POSTN: variants seen among roughly 807,000 people sequenced by gnomAD.
POSTN encodes the protein osteoblast specific factor 2 (fasciclin I-like).
A neutral mutation model predicts 104.5 loss-of-function variants in POSTN; 71 were observed. That is an observed-to-expected ratio of 0.68 (90% CI 0.56 to 0.83). POSTN has a LOEUF of 0.83. Among genes scored for constraint, POSTN ranks in the 40% least tolerant of loss-of-function variants. The pLI, the probability that POSTN is intolerant of heterozygous loss-of-function variation, is 0.00. For missense variants in POSTN, 949 were observed against 1,006.8 expected (o/e 0.94, Z 0.78); for synonymous variants, 355 against 340.7 (o/e 1.04, Z -0.46).
chr13:37,569,175 C>G, intron 21 of POSTN, 125 bp downstream of exon 21: 2 of 624,946 alleles, frequency 3.2e-6, no homozygotes, highest in Non-Finnish European at 5.5e-6. Flanking sequence ...ATTAAGACAA[C>G]AGTGGATGTT....
chr13:37,565,162 A>T (rs1593303305), intron 21 of POSTN: 2 of 151,990 alleles, frequency 1.3e-5, no homozygotes, highest in East Asian at 1.9e-4. Flanking sequence ...ATCCTATGAG[A>T]TCCTTTTAAA....
intron 16 of POSTN, among the ~76,000 whole-genome samples, chr13:37,575,098 T>G (rs188230613): frequency 6.6e-6 from 1 of 151,976 alleles, no homozygotes; most frequent in Non-Finnish European, 1.5e-5. Context: ...TTTTAAAATG[T>G]TTTTCATGCA....
chr13:37,592,377 C>T (rs1372865089), intron 2 of POSTN, among the ~76,000 whole-genome samples: 1 of 152,154 alleles, frequency 6.6e-6, no homozygotes, highest in Non-Finnish European at 1.5e-5. Flanking sequence ...GGGTTCACTG[C>T]AAGCTCCGCC....
chr13:37,569,643 A>G, intron 20 of POSTN, 101 bp downstream of exon 20: 5 of 976,676 alleles, frequency 5.1e-6, no homozygotes, highest in East Asian at 2.4e-5. Context: ...GGAAATGAAC[A>G]ATAGATTGAG....
rs553434935 is a variant in POSTN, at chr13:37,579,302, A to G, written c.1718T>C (p.Ile573Thr). ...ILYHLTPGVF[I>T]GKGFEPGVTN... ...AACACCAGGTTCAAATCCTTTTCCA[A>G]TGAAAACTCCTGGTGTCAGGTGATA... Residue 573 changes from isoleucine to threonine, a missense_variant, in exon 13 of 23, where the codon ATT becomes ACT. Coordinates refer to ENST00000379747, the MANE Select transcript of POSTN (RefSeq NM_006475.3). 8.7e-6 allele frequency: 14 copies of G among 1,602,632 alleles called. No individual in the cohort carries two copies. The highest frequency in any genetic ancestry group is 6.7e-5 in the African/African-American group (5 of 74,790).
intron 21 of POSTN, chr13:37,564,879 T>G: frequency 4.9e-6 from 1 of 205,154 alleles, no homozygotes. Context: ...AATCTTTTTG[T>G]AAAAAACATT....
chr13:37,563,859 G>A (rs1310293750), intron 22 of POSTN, among the ~76,000 whole-genome samples: 5 of 151,948 alleles, frequency 3.3e-5, no homozygotes, highest in Non-Finnish European at 7.4e-5. Flanking sequence ...GTATTGGAAT[G>A]TAAGATAACT....
At position 37,576,107 on chromosome 13, in the gene POSTN, G is replaced by A. The variant is rs148055721; in HGVS notation, c.2009-1455C>T. Among the ~76,000 whole-genome samples, 602 of 152,096 alleles carry A rather than the reference G, an allele frequency of 4.0e-3. 6 individuals are homozygous for A. The highest frequency in any genetic ancestry group is 0.014 in the African/African-American group (561 of 41,520). Reference sequence around the variant, plus strand: ...CTCTGAGGATTAAATATTGATTTTAGCCCTCTCCAGGTCAAATGTTCCATA... The same window carrying A: ...CTCTGAGGATTAAATATTGATTTTAACCCTCTCCAGGTCAAATGTTCCATA... On this transcript the variant is annotated intron_variant, in intron 16 of 22. Transcript: ENST00000379747.
At position 37,563,178 on chromosome 13, in the gene POSTN, GA is replaced by G. The variant is rs540445013; in HGVS notation, c.*154del. The G allele has an allele frequency of 1.6e-3, 683 of 418,148 alleles. 17 individuals are homozygous for G. In the South Asian group the frequency reaches 0.047, roughly 29 times the overall value. 25.9% of individuals were successfully genotyped at this position (418,148 alleles called of 1,614,324 possible). A position where few individuals can be genotyped will look rare whatever the true frequency, so the allele number is the denominator to read the frequency against. On this transcript the variant is annotated 3_prime_UTR_variant, in exon 23 of 23. Transcript: ENST00000379747. ...CAATTTCCCTCATGTTTCTCATTCA[GA>G]AAAAAAAATATTAAATTTGTGTTCA...
chr13:37,574,826 T>G (rs1200620166), intron 16 of POSTN, among the ~76,000 whole-genome samples, 174 bp from the exon 17 acceptor site: 1 of 151,890 alleles, frequency 6.6e-6, no homozygotes, highest in Non-Finnish European at 1.5e-5. Context: ...TAATATCTTC[T>G]CATGTCCAGG....
At position 37,575,087 on chromosome 13, in the gene POSTN, C is replaced by T. The variant is rs1277659132; in HGVS notation, c.2009-435G>A. On this transcript the variant is annotated intron_variant, in intron 16 of 22. Coordinates refer to ENST00000379747, the MANE Select transcript of POSTN (RefSeq NM_006475.3). ...TAAAAGAAAAAATGAAAGAAAAAGG[C>T]TTTTAAAATGTTTTTCATGCATCTG... 2.6e-5 allele frequency among the ~76,000 whole-genome samples: 4 copies of T among 151,988 alleles called. No homozygotes were observed. In the East Asian group the frequency reaches 7.7e-4, roughly 29 times the overall value.
intron 16 of POSTN, among the ~76,000 whole-genome samples, chr13:37,575,759 G>A (rs916984685): frequency 6.6e-6 from 1 of 152,036 alleles, no homozygotes; most frequent in African/African-American, 2.4e-5. Flanking sequence ...ATTAATGTGG[G>A]TTCTTAGCCT....
chr13:37,583,139 G>T (rs146066148), intron 9 of POSTN, among the ~76,000 whole-genome samples: 1 of 152,056 alleles, frequency 6.6e-6, no homozygotes, highest in African/African-American at 2.4e-5. Context: ...CCTGAGAAAG[G>T]TCGAAGGTTG....
chr13:37,580,060 A>G (rs1566021587), intron 11 of POSTN, 69 bp from the exon 12 acceptor site: 1 of 1,375,524 alleles, frequency 7.3e-7, no homozygotes, highest in Non-Finnish European at 1.0e-6. Context: ...CAGTGCATGT[A>G]ATAGAATAGA....
Position 37,582,491 on chromosome 13 carries a change from G to A in POSTN, c.1267C>T (p.Arg423Cys), listed in dbSNP as rs1177659142. 1.9e-6 allele frequency: 3 copies of A among 1,609,298 alleles called. No homozygotes were observed. Among genetic ancestry groups the A allele is most frequent in the Admixed American group, 1.7e-5 (1 of 58,902 alleles). Residue 423 changes from arginine (R) to cysteine (C), a missense_variant, in exon 10 of 23, where the codon CGC (arginine) becomes TGC (cysteine). By Grantham distance (180) the Arg-to-Cys change is radical. Coordinates refer to ENST00000379747, the MANE Select transcript of POSTN (RefSeq NM_006475.3). Reference protein sequence around the residue: ...FSDDTLSMDQRLLKLILQNHI... With the variant: ...FSDDTLSMDQCLLKLILQNHI... ...TTCTGCAGAATTAATTTAAGGAGGC[G>A]CTGATCCATGCTGAGAGTATCATCT...
At chr13:37,578,119 T>C (rs980835646) in intron 15 of POSTN, among the ~76,000 whole-genome samples, 6 of 152,322 alleles carry the variant, frequency 3.9e-5, no homozygotes, top group Non-Finnish European at 8.8e-5. Context: ...TTCCCTTTAA[T>C]CTGTGATGAG....
chr13:37,582,650 G>T, intron 9 of POSTN, 136 bp from the exon 10 acceptor site: 1 of 742,572 alleles, frequency 1.3e-6, no homozygotes, highest in Non-Finnish European at 2.1e-6. Flanking sequence ...TATAATACAT[G>T]AATCAACCAA....
chr13:37,594,425 C>T (rs1009688367), intron 2 of POSTN, among the ~76,000 whole-genome samples: 15 of 151,180 alleles, frequency 9.9e-5, no homozygotes, highest in Admixed American at 6.6e-4. Context: ...TATCTCTGAG[C>T]GGATATTTTG....
intron 4 of POSTN, among the ~76,000 whole-genome samples, chr13:37,588,852 G>T (rs1273193551): frequency 6.6e-6 from 1 of 152,160 alleles, no homozygotes; most frequent in Non-Finnish European, 1.5e-5. Flanking sequence ...AACCACTGAA[G>T]ATTTTGTGGC....
Sources: allele counts gnomAD v4.1 joint callset (sites outside exome capture counted in the v4.1 genomes callset), GRCh38; gene constraint gnomAD v4.1.1; transcripts MANE v1.5; gene names NCBI Gene and HGNC (gene_info 2026-07-23, HGNC 2026-07-21).